Variants in SLIT2 observed in about 807,000 individuals in gnomAD.
SLIT2 encodes the protein slit guidance ligand 2.
SLIT2 carries 41 observed loss-of-function variants against 185.7 expected under a neutral mutation model. The observed-to-expected ratio is 0.22, with a 90% CI of 0.17 to 0.29. SLIT2 has a LOEUF of 0.29. Ranked by LOEUF, SLIT2 falls within the 10% of genes least tolerant of loss-of-function variation. The pLI is 1.00. For synonymous variants in SLIT2, 693 were observed against 680.2 expected (o/e 1.02, Z -0.29); for missense variants, 1,571 against 1,909.0 (o/e 0.82, Z 3.30).
chr4:20,331,557 G>C (rs1720069263), intron 4 of SLIT2, among the ~76,000 whole-genome samples: 1 of 152,036 alleles, frequency 6.6e-6, no homozygotes, highest in African/African-American at 2.4e-5. Context: ...TGTACTAAGG[G>C]ATTTTCATGA....
intron 5 of SLIT2, among the ~76,000 whole-genome samples, chr4:20,471,476 G>A (rs1448868866): frequency 2.0e-5 from 3 of 152,178 alleles, no homozygotes; most frequent in African/African-American, 7.2e-5. Flanking sequence ...ATGCTAGTAT[G>A]TCCATTTACA....
chr4:20,492,981 C>T (rs981130030), intron 9 of SLIT2, among the ~76,000 whole-genome samples: 4 of 152,108 alleles, frequency 2.6e-5, no homozygotes, highest in African/African-American at 4.8e-5. Context: ...AGATTTGACA[C>T]TGAATAACAT....
Position 20,519,888 on chromosome 4 carries a change from G to A in SLIT2, c.1130+435G>A, listed in dbSNP as rs1352396858. 3.3e-5 allele frequency among the ~76,000 whole-genome samples: 5 copies of A among 151,806 alleles called. No homozygotes were observed. The East Asian group carries it at 5.8e-4, about 18-fold the overall frequency. On this transcript the variant is annotated intron_variant, in intron 12 of 36. Coordinates refer to ENST00000504154, the MANE Select transcript of SLIT2 (RefSeq NM_004787.4). ...TCTACTAACAAACAAAAAATTAGCC[G>A]GGCGTGGTGGTGGTGGGCCCCTGTA...
rs771140869 is a variant in SLIT2, at chr4:20,546,075, C to A, written c.2321C>A (p.Ser774Tyr). 8.8e-6 allele frequency: 14 copies of A among 1,587,924 alleles called. No individual in the cohort carries two copies. The highest frequency in any genetic ancestry group is 1.7e-5 in the Admixed American group (1 of 58,048). The change falls in exon 22 of 37, where the codon TCC (serine) becomes TAC (tyrosine). Residue 774 changes from serine (S) to tyrosine (Y), a missense_variant. Physicochemically the swap from Ser to Tyr is moderately radical, Grantham distance 144. Around this residue, in one of 3 missense-constraint regions of SLIT2, gnomAD observed 1,202 missense variants for 1,416.4 expected, o/e 0.85. Transcript: ENST00000504154. Reference protein sequence around the residue: ...NQFTLVPKELSNYKHLTLIDL... With the variant: ...NQFTLVPKELYNYKHLTLIDL... ...TTTACACTGGTTCCCAAGGAACTCTCCAACTACAAACATTTAACACTTATG... is the reference window on the plus strand; with the variant it reads ...TTTACACTGGTTCCCAAGGAACTCTACAACTACAAACATTTAACACTTATG...
chr4:20,443,701 C>T (rs1254490209), intron 4 of SLIT2, among the ~76,000 whole-genome samples: 9 of 150,600 alleles, frequency 6.0e-5, no homozygotes, highest in African/African-American at 1.7e-4. Context: ...GTCTTAGGTG[C>T]TGGAAATATT....
At chr4:20,608,435 A>G (rs1277407439) in intron 33 of SLIT2, among the ~76,000 whole-genome samples, 2 of 152,164 alleles carry the variant, frequency 1.3e-5, no homozygotes, top group African/African-American at 4.8e-5. Context: ...TACTTATAAA[A>G]TAATTTTCTG....
chr4:20,474,302 G>A (rs1401596184), intron 5 of SLIT2, among the ~76,000 whole-genome samples: 2 of 152,004 alleles, frequency 1.3e-5, no homozygotes, highest in African/African-American at 4.8e-5. Context: ...GTCCCCATCA[G>A]TACTATGGGA....
rs778710134 is a variant in SLIT2 at position 20,253,590 on chromosome 4, G to T, written c.-226G>T. The T allele has an allele frequency of 1.7e-6, 1 of 590,058 alleles. No homozygotes were observed. Among genetic ancestry groups the T allele is most frequent in the Non-Finnish European group, 3.0e-6 (1 of 332,142 alleles). 36.6% of individuals were successfully genotyped at this position (590,058 alleles called of 1,614,324 possible). A position where few individuals can be genotyped will look rare whatever the true frequency, so the allele number is the denominator to read the frequency against. ...GGATTCATCCTCAGGACCTAAAGTT[G>T]CCCAAGGAGCTCCTGCTCTGCCAGA... On this transcript the variant is annotated 5_prime_UTR_variant, in exon 1 of 37. Coordinates refer to ENST00000504154, the MANE Select transcript of SLIT2 (RefSeq NM_004787.4).
At chr4:20,352,496 G>T (rs1721966282) in intron 4 of SLIT2, among the ~76,000 whole-genome samples, 1 of 152,128 alleles carries the variant, frequency 6.6e-6, no homozygotes, top group Non-Finnish European at 1.5e-5. Context: ...ATATAAATAT[G>T]TCAAATTAGA....
chr4:20,603,938 T>A (rs985205902), intron 33 of SLIT2, among the ~76,000 whole-genome samples: 2 of 152,242 alleles, frequency 1.3e-5, no homozygotes, highest in African/African-American at 4.8e-5. Flanking sequence ...ATATGGAAAG[T>A]TCCCCCTGTT....
intron 4 of SLIT2, among the ~76,000 whole-genome samples, chr4:20,338,801 A>G (rs576859746): frequency 6.6e-6 from 1 of 152,296 alleles, no homozygotes; most frequent in East Asian, 1.9e-4. Flanking sequence ...ATAAATCATT[A>G]CTGTGGGCTG....
chr4:20,434,777 T>C (rs1411909825), intron 4 of SLIT2, among the ~76,000 whole-genome samples: 2 of 152,288 alleles, frequency 1.3e-5, no homozygotes, highest in African/African-American at 4.8e-5. Context: ...TTTAGAAAGC[T>C]AATATGGTAG....
intron 33 of SLIT2, among the ~76,000 whole-genome samples, chr4:20,605,183 AAC>A (rs34447330): frequency 0.16 from 24,644 of 152,150 alleles, 2,179 homozygotes; most frequent in African/African-American, 0.23. Context: ...CATAAGGAAA[AAC>A]AGTCTTTTAT....
At chr4:20,414,775 T>C (rs1261374427) in intron 4 of SLIT2, among the ~76,000 whole-genome samples, 1 of 152,176 alleles carries the variant, frequency 6.6e-6, no homozygotes, top group African/African-American at 2.4e-5. Context: ...GATGGTCCGC[T>C]TTTTTCTTAC....
chr4:20,432,477 A>G (rs1422831717), intron 4 of SLIT2, among the ~76,000 whole-genome samples: 2 of 151,864 alleles, frequency 1.3e-5, no homozygotes, highest in Admixed American at 6.6e-5. Context: ...CTGGAATATT[A>G]TGAAAGGACT....
At chr4:20,333,856 GA>G (rs1407247782) in intron 4 of SLIT2, among the ~76,000 whole-genome samples, 1 of 152,138 alleles carries the variant, frequency 6.6e-6, no homozygotes, top group Non-Finnish European at 1.5e-5. Context: ...GGTTTCAGAA[GA>G]AACTTTATTA....
chr4:20,462,259 A>C (rs1355214146), intron 4 of SLIT2, among the ~76,000 whole-genome samples: 1 of 152,212 alleles, frequency 6.6e-6, no homozygotes, highest in Non-Finnish European at 1.5e-5. Flanking sequence ...GATCTTAAAA[A>C]ATGAATAAAC....
At chr4:20,439,313 GTC>G (rs1331339654) in intron 4 of SLIT2, among the ~76,000 whole-genome samples, 3 of 152,126 alleles carry the variant, frequency 2.0e-5, no homozygotes, top group Admixed American at 2.0e-4. Flanking sequence ...GAAATTTATT[GTC>G]TCACAGTTCT....
At chr4:20,277,132 T>A (rs1714246553) in intron 4 of SLIT2, among the ~76,000 whole-genome samples, 1 of 152,162 alleles carries the variant, frequency 6.6e-6, no homozygotes, top group Non-Finnish European at 1.5e-5. Flanking sequence ...GGATTTATAA[T>A]AGGCTGTGCT....
Sources: gnomAD v4.1 joint callset for allele counts (sites outside exome capture counted in the v4.1 genomes callset) on GRCh38, gnomAD v4.1.1 for gene constraint, gnomAD v4.1.1 regional missense constraint, MANE v1.5 for transcripts, NCBI Gene and HGNC (gene_info 2026-07-23, HGNC 2026-07-21) for gene names.